The following SHISA9 variants were observed in gnomAD, a reference collection of about 807,000 sequenced individuals.
The protein encoded by SHISA9 is shisa family member 9, also known as protein shisa-9.
In SHISA9, 13 loss-of-function variants were observed where a neutral mutation model predicts 38.0. The observed-to-expected ratio is 0.34, with a 90% CI of 0.22 to 0.54. The LOEUF (loss-of-function observed/expected upper bound fraction) is 0.54. SHISA9 is among the 20% of genes least tolerant of loss of function. SHISA9 has a pLI of 0.91. For missense variants in SHISA9, 538 were observed against 575.8 expected, an observed-to-expected ratio of 0.93 and a Z score of 0.67; for synonymous variants, 275 against 242.0, an observed-to-expected ratio of 1.14 and a Z score of -1.27.
In SHISA9 at chr16:12,912,971, C is replaced by T. The variant is rs116627675; in HGVS notation, c.564-3717C>T. Among the ~76,000 whole-genome samples the T allele has an allele frequency of 6.0e-3, 917 of 152,156 alleles. 17 individuals carry two copies. The highest frequency in any genetic ancestry group is 0.021 in the African/African-American group (867 of 41,492). ...CATCATCTTCACGTGTCCAACTCCT[C>T]GCTGTTCAAGGCCCATCTCCAGTGT... On this transcript the variant is annotated intron_variant, in intron 1 of 4. Transcript: ENST00000558583.
At chr16:13,490,317 C>T in the SHISA9 span, among the ~76,000 whole-genome samples, 1 of 152,290 alleles carries the variant, frequency 6.6e-6, no homozygotes, top group East Asian at 1.9e-4. Flanking sequence ...AATCCCAGCA[C>T]TTTGGGAGGC....
At chr16:13,450,511 T>A in the SHISA9 span, among the ~76,000 whole-genome samples, 4 of 152,232 alleles carry the variant, frequency 2.6e-5, no homozygotes, top group Non-Finnish European at 4.4e-5. Context: ...TAGCCCTTCA[T>A]CACCCACTGC....
intron 1 of SHISA9, chr16:12,909,404 G>T (rs2141711760): frequency 1.0e-6 from 1 of 985,456 alleles, no homozygotes; most frequent in Non-Finnish European, 1.2e-6. Context: ...CTCTATTCAA[G>T]TGTTTAAAAG....
At chr16:13,310,918 G>A in the SHISA9 span, among the ~76,000 whole-genome samples, 6 of 151,992 alleles carry the variant, frequency 3.9e-5, no homozygotes, top group Admixed American at 2.0e-4. Context: ...TCTTGACCTC[G>A]TGATCCACCC....
chr16:13,467,544 T>C, the SHISA9 span, among the ~76,000 whole-genome samples: 1 of 152,196 alleles, frequency 6.6e-6, no homozygotes, highest in Non-Finnish European at 1.5e-5. Flanking sequence ...ACGTGGCCTA[T>C]CATGTGATTT....
At chr16:12,984,371 C>T (rs1409711782) in intron 2 of SHISA9, among the ~76,000 whole-genome samples, 2 of 152,196 alleles carry the variant, frequency 1.3e-5, no homozygotes, top group Non-Finnish European at 2.9e-5. Context: ...TACTTTACCC[C>T]CAAATATGAG....
At chr16:12,959,830 G>A (rs1034824747) in intron 2 of SHISA9, among the ~76,000 whole-genome samples, 2 of 152,200 alleles carry the variant, frequency 1.3e-5, no homozygotes, top group Non-Finnish European at 2.9e-5. Flanking sequence ...TCGCCTTTCA[G>A]CCAACAGTTT....
At chr16:13,211,950 G>A (rs1164354361) in intron 3 of SHISA9, among the ~76,000 whole-genome samples, 1 of 152,134 alleles carries the variant, frequency 6.6e-6, no homozygotes, top group Non-Finnish European at 1.5e-5. Context: ...CATCCTGGGT[G>A]GGCCCGACTC....
the SHISA9 span, among the ~76,000 whole-genome samples, chr16:13,291,710 C>T: frequency 6.6e-6 from 1 of 151,992 alleles, no homozygotes; most frequent in Non-Finnish European, 1.5e-5. Flanking sequence ...GAATATGTAA[C>T]ATCAAAAGAA....
At chr16:13,436,976 G>A in the SHISA9 span, among the ~76,000 whole-genome samples, 5 of 152,124 alleles carry the variant, frequency 3.3e-5, no homozygotes, top group African/African-American at 1.2e-4. Context: ...CATGTGCAGG[G>A]GAACTGCCCT....
At chr16:13,222,340 G>T (rs1217585593) in intron 4 of SHISA9, among the ~76,000 whole-genome samples, 1 of 152,156 alleles carries the variant, frequency 6.6e-6, no homozygotes, top group Admixed American at 6.5e-5. Context: ...CAGGACCCAG[G>T]TTCCTCCAAC....
chr16:12,917,700 G>A (rs1353476536), intron 2 of SHISA9, among the ~76,000 whole-genome samples: 2 of 152,228 alleles, frequency 1.3e-5, no homozygotes, highest in African/African-American at 4.8e-5. Flanking sequence ...TTAAAGTAAT[G>A]TGGAGGGTTT....
the SHISA9 span, among the ~76,000 whole-genome samples, chr16:13,550,331 A>G: frequency 4.6e-5 from 7 of 152,178 alleles, no homozygotes; most frequent in African/African-American, 1.7e-4. Flanking sequence ...TGCAGAAAGA[A>G]AGTTAAACTA....
At chr16:13,426,127 G>A in the SHISA9 span, among the ~76,000 whole-genome samples, 7 of 152,116 alleles carry the variant, frequency 4.6e-5, no homozygotes, top group South Asian at 4.1e-4. Context: ...AGGCTTCTGC[G>A]GAGAGTTTGG....
chr16:13,154,036 T>C (rs2142006711), intron 2 of SHISA9, among the ~76,000 whole-genome samples: 1 of 152,286 alleles, frequency 6.6e-6, no homozygotes. Flanking sequence ...CTGGTGTTTT[T>C]GCAAGGATTT....
intron 1 of SHISA9, chr16:12,908,614 C>A (rs570282874): frequency 1.1e-5 from 17 of 1,551,158 alleles, no homozygotes; most frequent in Non-Finnish European, 1.5e-5. Flanking sequence ...GGCTGCACTG[C>A]GTTTGAGTGC....
At chr16:13,476,931 A>G in the SHISA9 span, among the ~76,000 whole-genome samples, 1 of 151,502 alleles carries the variant, frequency 6.6e-6, no homozygotes, top group Non-Finnish European at 1.5e-5. Context: ...TGTATTTTTT[A>G]GTAGAGACGG....
At chr16:13,367,652 G>GT in the SHISA9 span, among the ~76,000 whole-genome samples, 1 of 6,216 alleles carries the variant, frequency 1.6e-4, no homozygotes, top group Admixed American at 1.7e-3. Context: ...CAAGTAGGAT[G>GT]CGGGGGGGAA....
intron 2 of SHISA9, among the ~76,000 whole-genome samples, chr16:12,922,079 G>C (rs1460795723): frequency 6.6e-6 from 1 of 152,218 alleles, no homozygotes; most frequent in Non-Finnish European, 1.5e-5. Context: ...CCCAAGGTCT[G>C]TGATTATAAC....
Sources: gnomAD v4.1 joint callset for allele counts (sites outside exome capture counted in the v4.1 genomes callset) on GRCh38, gnomAD v4.1.1 for gene constraint, MANE v1.5 for transcripts, NCBI Gene and HGNC (gene_info 2026-07-23, HGNC 2026-07-21) for gene names.